Variants in ZNF845 observed in about 807,000 individuals in gnomAD.
ZNF845 encodes the protein zinc finger protein 845.
ZNF845 carries 59 observed loss-of-function variants against 76.1 expected under a neutral mutation model. The observed-to-expected ratio is 0.78, with a 90% confidence interval of 0.63 to 0.96. The LOEUF (loss-of-function observed/expected upper bound fraction) is 0.96, where lower values mean the gene tolerates loss of function less well. ZNF845 is among the 40% of genes least tolerant of loss of function. The pLI, the probability that ZNF845 is intolerant of heterozygous loss-of-function variation, is 0.00. For synonymous variants in ZNF845, 361 were observed against 386.9 expected, an observed-to-expected ratio of 0.93 and a Z score of 0.78; for missense variants, 1,045 against 1,172.8, an observed-to-expected ratio of 0.89 and a Z score of 1.59.
At chr19:53,343,541 G>T (rs2085272337) in intron 2 of ZNF845, among the ~76,000 whole-genome samples, 2 of 152,034 alleles carry the variant, frequency 1.3e-5, no homozygotes, top group Non-Finnish European at 2.9e-5. Flanking sequence ...ACCAAGATGT[G>T]ATTCTTCTTA....
At chr19:53,338,307 G>A (rs2085230256) in intron 1 of ZNF845, among the ~76,000 whole-genome samples, 1 of 152,190 alleles carries the variant, frequency 6.6e-6, no homozygotes, top group Non-Finnish European at 1.5e-5. Context: ...TCCTCAGGCA[G>A]TGCCGAGGCA....
Position 53,352,984 on chromosome 19 carries a change from C to G in ZNF845, c.2309C>G (p.Thr770Ser). Residue 770 changes from threonine to serine, a missense_variant, in exon 4 of 4, where the codon ACT (threonine) becomes AGT (serine). By Grantham distance (58) the Thr-to-Ser change is moderately conservative. Coordinates refer to ENST00000458035, the MANE Select transcript of ZNF845 (RefSeq NM_138374.3). ...SSLEKHRRIH[T>S]GEKPYKCKVC... ...CTTGAAAAACACAGGAGAATTCATA[C>G]TGGAGAGAAACCATACAAATGTAAG... 1 of 1,614,044 alleles carries G rather than the reference C, an allele frequency of 6.2e-7. No individual in the cohort carries two copies. The highest frequency in any genetic ancestry group is 8.5e-7 in the Non-Finnish European group (1 of 1,179,952).
intron 1 of ZNF845, among the ~76,000 whole-genome samples, chr19:53,335,581 C>CGTTTTTT (rs1230696521): frequency 1.3e-5 from 2 of 151,554 alleles, no homozygotes; most frequent in Admixed American, 6.6e-5. Flanking sequence ...CCTACATAGT[C>CGTTTTTT]GTTTTTTGTT....
At chr19:53,338,827 T>C (rs549328158) in intron 1 of ZNF845, among the ~76,000 whole-genome samples, 1 of 151,444 alleles carries the variant, frequency 6.6e-6, no homozygotes, top group South Asian at 2.1e-4. Flanking sequence ...ACGCCTGTAG[T>C]CCTACAGCTT....
intron 2 of ZNF845, among the ~76,000 whole-genome samples, chr19:53,341,831 A>G (rs1238848859): frequency 4.6e-5 from 7 of 152,190 alleles, no homozygotes; most frequent in Admixed American, 4.6e-4. Flanking sequence ...TAGTAATTAG[A>G]ATGGAAAGTT....
At chr19:53,341,522 C>T (rs2085257025) in intron 2 of ZNF845, among the ~76,000 whole-genome samples, 200 bp downstream of exon 2, 1 of 151,958 alleles carries the variant, frequency 6.6e-6, no homozygotes, top group Non-Finnish European at 1.5e-5. Context: ...GAAGAGGCCG[C>T]ACTGGGCATG....
chr19:53,334,575 T>G (rs1319029903), intron 1 of ZNF845, among the ~76,000 whole-genome samples: 1 of 150,454 alleles, frequency 6.6e-6, no homozygotes, highest in Non-Finnish European at 1.5e-5. Context: ...GAATGAGAGA[T>G]ATGTACAGAA....
chr19:53,343,160 C>T (rs1224224866), intron 2 of ZNF845, among the ~76,000 whole-genome samples: 1 of 152,212 alleles, frequency 6.6e-6, no homozygotes, highest in African/African-American at 2.4e-5. Flanking sequence ...TCCTCCCCGC[C>T]TCCACCCTCA....
At chr19:53,348,028 A>G (rs939004694) in intron 3 of ZNF845, among the ~76,000 whole-genome samples, 2 of 152,162 alleles carry the variant, frequency 1.3e-5, no homozygotes, top group African/African-American at 4.8e-5. Context: ...CGTCTCCACT[A>G]AAAATACAAA....
chr19:53,345,520 C>T lies in ZNF845; in HGVS notation c.30C>T (p.Phe10=). The change falls in exon 3 of 4, where the codon TTC becomes TTT. Residue 10 remains phenylalanine, a synonymous_variant. Coordinates refer to ENST00000458035, the MANE Select transcript of ZNF845 (RefSeq NM_138374.3). MALSQGLLT[F]RDVAIEFSQE... is the part of the protein sequence containing the mutation. ...TTTCATTTCAGGGTCTATTGACATT[C>T]AGGGATGTGGCCATAGAATTCTCTC... is the stretch of plus-strand genomic sequence containing the variant. 1.2e-6 allele frequency: 2 copies of T among 1,613,794 alleles called. No homozygotes were observed. The highest frequency in any genetic ancestry group is 1.7e-6 in the Non-Finnish European group (2 of 1,179,820).
chr19:53,339,957 A>C (rs1486836808), intron 1 of ZNF845, among the ~76,000 whole-genome samples: 1 of 152,208 alleles, frequency 6.6e-6, no homozygotes, highest in African/African-American at 2.4e-5. Flanking sequence ...ATCTTGGCTC[A>C]CTGCAACCTC....
chr19:53,336,209 C>CA (rs34338136), intron 1 of ZNF845, among the ~76,000 whole-genome samples: 8,093 of 112,664 alleles, frequency 0.072, 369 homozygotes, highest in Non-Finnish European at 0.11. Context: ...GACTCCATCT[C>CA]AAAAAAAAAA....
At chr19:53,345,048 T>C (rs1363282294) in intron 2 of ZNF845, among the ~76,000 whole-genome samples, 1 of 152,182 alleles carries the variant, frequency 6.6e-6, no homozygotes, top group Non-Finnish European at 1.5e-5. Flanking sequence ...GCCGGTGTGG[T>C]GGCTCATGCC....
intron 1 of ZNF845, chr19:53,337,241 T>C (rs924745958): frequency 6.7e-6 from 3 of 448,978 alleles, no homozygotes; most frequent in Non-Finnish European, 1.3e-5. Flanking sequence ...CCTGTGCCTT[T>C]CTTCTCCTTC....
chr19:53,337,194 T>A, intron 1 of ZNF845: 1 of 456,738 alleles, frequency 2.2e-6, no homozygotes, highest in South Asian at 1.5e-5. Flanking sequence ...CAGGTTGCTG[T>A]CCCTGCTCTT....
chr19:53,336,022 A>C (rs1234332822), intron 1 of ZNF845, among the ~76,000 whole-genome samples: 1 of 151,420 alleles, frequency 6.6e-6, no homozygotes, highest in Non-Finnish European at 1.5e-5. Flanking sequence ...GACCAGCGTG[A>C]CCAACATGGT....
chr19:53,353,141 G>C lies in ZNF845; in HGVS notation c.2466G>C (p.Lys822Asn). Residue 822 changes from lysine (K) to asparagine (N), a missense_variant, in exon 4 of 4, where the codon AAG (lysine) becomes AAC (asparagine). Lys to Asn is a moderately conservative substitution (Grantham distance 94, BLOSUM62 0). Transcript: ENST00000458035. ...FRHNSALVIH[K>N]AIHSGEKPYK... ...ACAATTCAGCCCTTGTAATTCATAA[G>C]GCAATTCATAGTGGAGAGAAACCTT... is the stretch of plus-strand genomic sequence containing the variant. The C allele has an allele frequency of 1.9e-6, 3 of 1,610,984 alleles. No individual in the cohort carries two copies.
At chr19:53,343,623 TAC>T (rs1381340816) in intron 2 of ZNF845, among the ~76,000 whole-genome samples, 1 of 152,164 alleles carries the variant, frequency 6.6e-6, no homozygotes, top group Non-Finnish European at 1.5e-5. Context: ...TACACAAGTA[TAC>T]ACACACACAT....
chr19:53,342,257 G>A (rs571962961), intron 2 of ZNF845, among the ~76,000 whole-genome samples: 37 of 152,040 alleles, frequency 2.4e-4, no homozygotes, highest in African/African-American at 8.9e-4. Context: ...TGGGATTATA[G>A]GCACGCACCA....
Sources: gnomAD v4.1 joint callset for allele counts (sites outside exome capture counted in the v4.1 genomes callset) on GRCh38, gnomAD v4.1.1 for gene constraint, MANE v1.5 for transcripts, NCBI Gene and HGNC (gene_info 2026-07-23, HGNC 2026-07-21) for gene names.